The following VLDLR variants were observed in gnomAD, a reference collection of about 807,000 sequenced individuals.
The protein encoded by VLDLR is very low-density lipoprotein receptor.
VLDLR carries 81 observed loss-of-function variants against 112.7 expected under a neutral mutation model. The ratio of observed to expected loss-of-function variants is 0.72; its 90% CI spans 0.60 to 0.86. The LOEUF (loss-of-function observed/expected upper bound fraction) is 0.86, where lower values mean the gene tolerates loss of function less well. Among genes scored for constraint, VLDLR ranks in the 40% least tolerant of loss-of-function variants. The pLI, the probability that VLDLR is intolerant of heterozygous loss-of-function variation, is 0.00. For missense variants in VLDLR, 1,237 were observed against 1,099.4 expected, an observed-to-expected ratio of 1.13 and a Z score of -1.77; for synonymous variants, 436 against 384.8, an observed-to-expected ratio of 1.13 and a Z score of -1.56.
At chr9:2,638,520 G>A (rs190890487) in intron 2 of VLDLR, among the ~76,000 whole-genome samples, 24 of 151,402 alleles carry the variant, frequency 1.6e-4, no homozygotes, top group African/African-American at 5.9e-4. Flanking sequence ...AAGCATATAG[G>A]CAAGAAAGAA....
chr9:2,653,762 C>G, intron 18 of VLDLR, 71 bp from the exon 19 acceptor site: 1 of 1,565,852 alleles, frequency 6.4e-7, no homozygotes, highest in South Asian at 1.1e-5. Context: ...AAAGCAAGGT[C>G]CATTTTAAAG....
At position 2,646,461 on chromosome 9, in the gene VLDLR, T is replaced by A. The variant is rs767201936; in HGVS notation, c.1612T>A (p.Ser538Thr). ...YWTDAASKTI[S>T]VATLDGTKRK... is the part of the protein sequence containing the mutation. ...GACTGATGCGGCTTCTAAGACTATT[T>A]CAGTAGCTACCCTAGATGGAACCAA... Residue 538 changes from serine (S) to threonine (T), a missense_variant, in exon 11 of 19, where the codon TCA (serine) becomes ACA (threonine). Ser to Thr is a moderately conservative substitution (Grantham distance 58, BLOSUM62 1). Transcript: ENST00000382100. The A allele has an allele frequency of 6.2e-6, 10 of 1,614,064 alleles. No individual in the cohort carries two copies. The highest frequency in any genetic ancestry group is 8.5e-6 in the Non-Finnish European group (10 of 1,180,024).
chr9:2,645,537 A>C, intron 9 of VLDLR, 37 bp from the exon 10 acceptor site: 1 of 1,613,988 alleles, frequency 6.2e-7, no homozygotes. Context: ...TTGCCTTCTT[A>C]AAGCAAAACT....
In VLDLR at chr9:2,633,047, A is replaced by AGTGTGTGT. The variant is rs780332222; in HGVS notation, c.83-2405_83-2404insTGTGTGTG. ...CTCCTTATTGGAGAGAGAGAGAGAG[A>AGTGTGTGT]GAGAGTGTGTGTGTGTGTGTGTGTG... On this transcript the variant is annotated intron_variant, in intron 1 of 18. Coordinates refer to ENST00000382100, the MANE Select transcript of VLDLR (RefSeq NM_003383.5). 3.6e-3 allele frequency among the ~76,000 whole-genome samples: 339 copies of AGTGTGTGT among 95,412 alleles called. 1 individual carries two copies. The highest frequency in any genetic ancestry group is 8.7e-3 in the South Asian group (28 of 3,204). The allele number at this position is 95,412 out of a possible 152,430, so 62.6% of individuals were successfully genotyped here. A position where few individuals can be genotyped will look rare whatever the true frequency, so the allele number is the denominator to read the frequency against.
chr9:2,621,838 C>G lies in VLDLR; in HGVS notation c.-352C>G, dbSNP rs1013455218. 2 of 530,980 alleles carry G rather than the reference C, an allele frequency of 3.8e-6. No individual in the cohort carries two copies. The highest frequency in any genetic ancestry group is 1.9e-5 in the African/African-American group (1 of 51,786). 32.9% of individuals were successfully genotyped at this position (530,980 alleles called of 1,614,324 possible). A position where few individuals can be genotyped will look rare whatever the true frequency, so the allele number is the denominator to read the frequency against. ...CGGGTGCTCCGCTACCGGCTCCTCTCCGTTCTGTGCTCTCTTCTGCTCTCG... is the reference window on the plus strand; with the variant it reads ...CGGGTGCTCCGCTACCGGCTCCTCTGCGTTCTGTGCTCTCTTCTGCTCTCG... On this transcript the variant is annotated 5_prime_UTR_variant, in exon 1 of 19. Coordinates refer to ENST00000382100, the MANE Select transcript of VLDLR (RefSeq NM_003383.5).
intron 3 of VLDLR, 104 bp from the exon 4 acceptor site, chr9:2,641,273 C>G (rs1817808548): frequency 1.3e-6 from 2 of 1,564,074 alleles, no homozygotes; most frequent in Admixed American, 1.7e-5. Flanking sequence ...CACCAGTGTG[C>G]CAGGCTACTG....
intron 1 of VLDLR, among the ~76,000 whole-genome samples, chr9:2,625,005 G>C (rs1232936003): frequency 6.6e-6 from 1 of 152,134 alleles, no homozygotes; most frequent in Non-Finnish European, 1.5e-5. Flanking sequence ...CATGTATAAA[G>C]GTCAAGTAGA....
At chr9:2,635,746 G>C (rs1205326223) in intron 2 of VLDLR, among the ~76,000 whole-genome samples, 174 bp downstream of exon 2, 1 of 152,206 alleles carries the variant, frequency 6.6e-6, no homozygotes. Context: ...TTATCAACTT[G>C]AGAATGGAAT....
chr9:2,647,505 G>C lies in VLDLR; in HGVS notation c.1735G>C (p.Ala579Pro), dbSNP rs948889437. The change falls in exon 12 of 19, where the codon GCT (alanine) becomes CCT (proline). Residue 579 changes from alanine (A) to proline (P), a missense_variant. Physicochemically the swap from Ala to Pro is conservative, Grantham distance 27. Transcript: ENST00000382100. The part of the protein sequence containing the change: ...FVYWSDWGEP[A>P]KIEKAGMNGF... ...TTACTGGTCAGACTGGGGTGAACCA[G>C]CTAAAATAGAAAAAGCAGGAATGAA... 74 of 1,613,988 alleles carry C rather than the reference G, an allele frequency of 4.6e-5. No individual in the cohort carries two copies. Among genetic ancestry groups the C allele is most frequent in the Non-Finnish European group, 6.1e-5 (72 of 1,179,994 alleles).
intron 1 of VLDLR, among the ~76,000 whole-genome samples, chr9:2,622,943 C>A (rs570542506): frequency 6.6e-6 from 1 of 152,300 alleles, no homozygotes; most frequent in African/African-American, 2.4e-5. Flanking sequence ...GGGCGCTTCT[C>A]CTCTCCCTTT....
intron 2 of VLDLR, among the ~76,000 whole-genome samples, chr9:2,637,208 G>A (rs1468117824): frequency 2.0e-5 from 3 of 152,188 alleles, no homozygotes; most frequent in Non-Finnish European, 4.4e-5. Context: ...GAAGAGGAAA[G>A]CTATAGAATT....
At chr9:2,639,672 G>A (rs1179957279) in intron 2 of VLDLR, among the ~76,000 whole-genome samples, 187 bp from the exon 3 acceptor site, 2 of 152,064 alleles carry the variant, frequency 1.3e-5, no homozygotes, top group African/African-American at 2.4e-5. Flanking sequence ...TCTCAAATGA[G>A]CATCTTCCTC....
intron 15 of VLDLR, among the ~76,000 whole-genome samples, chr9:2,650,945 A>G (rs1361049649): frequency 6.6e-6 from 1 of 152,214 alleles, no homozygotes; most frequent in East Asian, 1.9e-4. Context: ...TCTGTTCTTA[A>G]CTTTTGATTA....
intron 1 of VLDLR, among the ~76,000 whole-genome samples, chr9:2,623,109 A>T (rs1016513935): frequency 1.2e-4 from 19 of 152,148 alleles, no homozygotes; most frequent in Non-Finnish European, 2.5e-4. Context: ...AGTGACTGTA[A>T]TTAGCCTTCA....
chr9:2,655,764 T>C lies in VLDLR; in HGVS notation c.*1896T>C, dbSNP rs1376153829. On this transcript the variant is annotated 3_prime_UTR_variant, in exon 19 of 19. Coordinates refer to ENST00000382100, the MANE Select transcript of VLDLR (RefSeq NM_003383.5). ...AAGGAAAAGGCTGTAGTCATGAATA[T>C]AGAACTGTCTGCTCTCCACCTTTTC... The C allele has an allele frequency of 6.6e-6, 1 of 152,120 alleles. No homozygotes were observed. The highest frequency in any genetic ancestry group is 1.5e-5 in the Non-Finnish European group (1 of 68,028). The allele number at this position is 152,120 out of a possible 1,614,324, so 9.4% of individuals were successfully genotyped here.
At chr9:2,651,531 CAACT>C (rs559157067) in intron 16 of VLDLR, 33 bp downstream of exon 16, 169 of 1,532,784 alleles carry the variant, frequency 1.1e-4, no homozygotes, top group Middle Eastern at 1.7e-4. Flanking sequence ...CTGTTAATCT[CAACT>C]AACAGCCACA....
At position 2,644,426 on chromosome 9, in the gene VLDLR, T is replaced by C. The variant is rs931794243; in HGVS notation, c.1067-308T>C. ...CCTCGTGATCCACCCGCCTCGGCCTTCCAAAGTGCTGGGATTACAGGCATG... is the reference window on the plus strand; with the variant it reads ...CCTCGTGATCCACCCGCCTCGGCCTCCCAAAGTGCTGGGATTACAGGCATG... On this transcript the variant is annotated intron_variant, in intron 7 of 18. Transcript: ENST00000382100. 6.6e-5 allele frequency among the ~76,000 whole-genome samples: 10 copies of C among 150,764 alleles called. No homozygotes were observed. In the East Asian group the frequency reaches 9.8e-4, roughly 15 times the overall value.
chr9:2,647,617 C>T, intron 12 of VLDLR, 25 bp downstream of exon 12: 1 of 1,571,912 alleles, frequency 6.4e-7, no homozygotes, highest in East Asian at 2.2e-5. Flanking sequence ...CCTTCTCGAC[C>T]ACCCACTCAA....
chr9:2,636,346 C>A (rs1023771731), intron 2 of VLDLR, among the ~76,000 whole-genome samples: 1 of 152,174 alleles, frequency 6.6e-6, no homozygotes, highest in African/African-American at 2.4e-5. Flanking sequence ...CTAACATTGT[C>A]ATTTATCTTT....
Sources: allele counts gnomAD v4.1 joint callset (sites outside exome capture counted in the v4.1 genomes callset), GRCh38; gene constraint gnomAD v4.1.1; transcripts MANE v1.5; gene names NCBI Gene and HGNC (gene_info 2026-07-23, HGNC 2026-07-21).